Variants in TDRD9 observed in about 807,000 individuals in gnomAD.
TDRD9 encodes the protein ATP-dependent RNA helicase TDRD9.
A neutral mutation model predicts 172.6 loss-of-function variants in TDRD9; 124 were observed. The ratio of observed to expected loss-of-function variants is 0.72; its 90% CI spans 0.62 to 0.83. The LOEUF is 0.83. TDRD9 is among the 40% of genes least tolerant of loss of function. The probability of loss-of-function intolerance (pLI) is 0.00; values close to 1 mark genes in which losing one functional copy is unlikely to be tolerated. For synonymous variants in TDRD9, 619 were observed against 617.1 expected (o/e 1.00, Z -0.05); for missense variants, 1,479 against 1,714.1 (o/e 0.86, Z 2.42).
At chr14:104,007,012 A>G in intron 18 of TDRD9, 148 bp from the exon 19 acceptor site, 1 of 949,740 alleles carries the variant, frequency 1.1e-6, no homozygotes. Flanking sequence ...GAAGTGAGTG[A>G]GGTGGAAGTC....
At chr14:103,951,337 AT>A (rs1197730472) in intron 1 of TDRD9, among the ~76,000 whole-genome samples, 3 of 152,354 alleles carry the variant, frequency 2.0e-5, no homozygotes, top group Non-Finnish European at 2.9e-5. Flanking sequence ...CTGTTGTTAG[AT>A]TAATGTATTT....
At position 103,928,576 on chromosome 14, in the gene TDRD9, G is replaced by C; in HGVS notation, c.67G>C (p.Val23Leu). 8 of 1,376,586 alleles carry C rather than the reference G, an allele frequency of 5.8e-6. No homozygotes were observed. Among genetic ancestry groups the C allele is most frequent in the Non-Finnish European group, 7.6e-6 (8 of 1,047,478 alleles). 85.3% of individuals were successfully genotyped at this position (1,376,586 alleles called of 1,614,324 possible). The change falls in exon 1 of 36, where the codon GTG becomes CTG. Residue 23 changes from valine (V) to leucine (L), a missense_variant. Coordinates refer to ENST00000409874, the MANE Select transcript of TDRD9 (RefSeq NM_153046.3). ...CACCATCGGCAAGACGGTGACCAATGTGGAGCTGCTGGGCGCGCCGCCCGC... is the reference window on the plus strand; with the variant it reads ...CACCATCGGCAAGACGGTGACCAATCTGGAGCTGCTGGGCGCGCCGCCCGC... ...WFTIGKTVTN[V>L]ELLGAPPAFP...
chr14:103,939,743 G>GTTGTTTTTTTTTTT (rs2031078380), intron 1 of TDRD9: 1 of 17,448 alleles, frequency 5.7e-5, no homozygotes, highest in Non-Finnish European at 1.2e-4. Flanking sequence ...GAAAAAAAGT[G>GTTGTTTTTTTTTTT]TTTTTTTTTT....
intron 32 of TDRD9, among the ~76,000 whole-genome samples, chr14:104,038,062 C>T (rs954061975): frequency 1.3e-5 from 2 of 152,132 alleles, no homozygotes; most frequent in Admixed American, 6.5e-5. Flanking sequence ...ACACTGTACT[C>T]ACCTCCTTCC....
Position 104,018,087 on chromosome 14 carries a change from TAC to T in TDRD9, c.2332-3_2332-2del. ...TCTGCTCTGATTTTGTGTTATATTTTACAGTTGAAACACATTCCTCCCTATGG... is the reference window on the plus strand; with the variant it reads ...TCTGCTCTGATTTTGTGTTATATTTTAGTTGAAACACATTCCTCCCTATGG... On this transcript the variant is annotated splice_region_variant and splice_polypyrimidine_tract_variant and intron_variant, in intron 22 of 35. Transcript: ENST00000409874. 6.5e-7 allele frequency: 1 copy of T among 1,539,122 alleles called. No individual in the cohort carries two copies. The highest frequency in any genetic ancestry group is 9.0e-7 in the Non-Finnish European group (1 of 1,117,246).
At chr14:103,977,834 T>G (rs1030509823) in intron 7 of TDRD9, among the ~76,000 whole-genome samples, 1 of 152,156 alleles carries the variant, frequency 6.6e-6, no homozygotes, top group African/African-American at 2.4e-5. Flanking sequence ...CATTTTGAGT[T>G]GATTTTTGTG....
chr14:104,042,473 T>G (rs1340229452), intron 34 of TDRD9, among the ~76,000 whole-genome samples: 1 of 152,068 alleles, frequency 6.6e-6, no homozygotes, highest in Non-Finnish European at 1.5e-5. Context: ...GGTGGGTGTC[T>G]TAGGGATTGG....
chr14:104,034,535 C>T lies in TDRD9; in HGVS notation c.3620-425C>T, dbSNP rs143724132. On this transcript the variant is annotated intron_variant, in intron 31 of 35. Coordinates refer to ENST00000409874, the MANE Select transcript of TDRD9 (RefSeq NM_153046.3). ...CATTTTCTGACTGCTTTGGCTGGTG[C>T]GAGGTTACGCGGTGGAGCATTCTCA... is the stretch of plus-strand genomic sequence containing the variant. 5.3e-3 allele frequency among the ~76,000 whole-genome samples: 803 copies of T among 152,236 alleles called. 6 individuals are homozygous for T. The highest frequency in any genetic ancestry group is 9.3e-3 in the Non-Finnish European group (633 of 68,014).
At chr14:103,979,856 C>T (rs980451600) in intron 7 of TDRD9, among the ~76,000 whole-genome samples, 3 of 151,592 alleles carry the variant, frequency 2.0e-5, no homozygotes, top group African/African-American at 7.3e-5. Context: ...AACATTTAAA[C>T]AATTTGCATT....
rs771334210 is a variant in TDRD9 at position 104,020,376 on chromosome 14, T to G, written c.2433-1781T>G. On this transcript the variant is annotated intron_variant, in intron 23 of 35. Coordinates refer to ENST00000409874, the MANE Select transcript of TDRD9 (RefSeq NM_153046.3). The stretch of plus-strand genomic sequence containing the variant: ...CAGACGGGAAGGAGGATGTCTTGGA[T>G]TTGCCTGGTGATTGCATGTGGGGGG... Among the ~76,000 whole-genome samples, 10 of 152,162 alleles carry G rather than the reference T, an allele frequency of 6.6e-5. No individual in the cohort carries two copies. The Middle Eastern group carries it at 0.014, about 207-fold the overall frequency.
At chr14:103,988,793 A>T (rs1230928942) in intron 8 of TDRD9, among the ~76,000 whole-genome samples, 2 of 151,678 alleles carry the variant, frequency 1.3e-5, no homozygotes, top group Non-Finnish European at 2.9e-5. Context: ...CATTGGCTCA[A>T]TTGATCCTCC....
At chr14:103,967,582 T>C (rs192654451) in intron 5 of TDRD9, among the ~76,000 whole-genome samples, 1 of 152,182 alleles carries the variant, frequency 6.6e-6, no homozygotes, top group East Asian at 1.9e-4. Flanking sequence ...TAGGGTAGTG[T>C]CTCTGCACTC....
chr14:104,011,167 T>C (rs925653116), intron 20 of TDRD9, among the ~76,000 whole-genome samples: 2 of 152,232 alleles, frequency 1.3e-5, no homozygotes, highest in Admixed American at 1.3e-4. Context: ...GCATGACTTA[T>C]ACATGAATAC....
intron 13 of TDRD9, among the ~76,000 whole-genome samples, chr14:104,003,615 A>G (rs2034334020): frequency 6.6e-6 from 1 of 151,994 alleles, no homozygotes; most frequent in Non-Finnish European, 1.5e-5. Flanking sequence ...CTCTCCTTGG[A>G]CTATTTTATT....
intron 2 of TDRD9, among the ~76,000 whole-genome samples, chr14:103,956,096 AAAAAAAAAAAAAAAAAT>A (rs1566737994): frequency 3.9e-5 from 2 of 50,898 alleles, no homozygotes; most frequent in African/African-American, 1.6e-4. Context: ...AAAAAAAAAA[AAAAAAAAAAAAAAAAAT>A]ATATATATAT....
intron 4 of TDRD9, among the ~76,000 whole-genome samples, chr14:103,966,383 A>AT (rs2032747407): frequency 6.6e-6 from 1 of 152,240 alleles, no homozygotes. Context: ...TTCCAGTTGA[A>AT]TAGGAAAGCA....
At chr14:103,928,829 G>C in intron 1 of TDRD9, 105 bp downstream of exon 1, 2 of 324,816 alleles carry the variant, frequency 6.2e-6, no homozygotes, top group Middle Eastern at 9.5e-4. Context: ...GCCCTCTCGC[G>C]GGGCTCCAGG....
chr14:103,962,638 C>T (rs1341642011), intron 2 of TDRD9, among the ~76,000 whole-genome samples: 2 of 152,130 alleles, frequency 1.3e-5, no homozygotes, highest in Non-Finnish European at 2.9e-5. Flanking sequence ...GCCCCTCCCT[C>T]CCTCTTCTTC....
At chr14:104,005,097 C>T in intron 14 of TDRD9, 177 bp from the exon 15 acceptor site, 1 of 514,638 alleles carries the variant, frequency 1.9e-6, no homozygotes, top group Non-Finnish European at 3.4e-6. Flanking sequence ...CTCTTTCTCT[C>T]CTGTTCTTTC....
Sources: gnomAD v4.1 joint callset for allele counts (sites outside exome capture counted in the v4.1 genomes callset) on GRCh38, gnomAD v4.1.1 for gene constraint, MANE v1.5 for transcripts, NCBI Gene and HGNC (gene_info 2026-07-23, HGNC 2026-07-21) for gene names.